The following DACH1 variants were observed in gnomAD, a reference collection of about 807,000 sequenced individuals.
DACH1 encodes dachshund family transcription factor 1, also known as dachshund homolog 1.
Under a neutral mutation model 54.2 loss-of-function variants are expected in DACH1, and 12 were observed. The observed-to-expected ratio is 0.22, with a 90% CI of 0.14 to 0.36. The LOEUF (loss-of-function observed/expected upper bound fraction) is 0.36. Among genes scored for constraint, DACH1 ranks in the 10% least tolerant of loss-of-function variants. The probability of loss-of-function intolerance (pLI) is 1.00; values close to 1 mark genes in which losing one functional copy is unlikely to be tolerated. For missense variants in DACH1, 805 were observed against 929.8 expected, an observed-to-expected ratio of 0.87 and a Z score of 1.75; for synonymous variants, 386 against 366.2, an observed-to-expected ratio of 1.05 and a Z score of -0.62.
At chr13:71,736,031 G>C (rs890882003) in intron 1 of DACH1, among the ~76,000 whole-genome samples, 1 of 152,036 alleles carries the variant, frequency 6.6e-6, no homozygotes, top group Admixed American at 6.6e-5. Context: ...CATGATACTA[G>C]CTACCAAAAT....
At chr13:71,488,391 TGTAA>T (rs1311686404) in intron 7 of DACH1, among the ~76,000 whole-genome samples, 3 of 152,202 alleles carry the variant, frequency 2.0e-5, no homozygotes, top group Non-Finnish European at 4.4e-5. Flanking sequence ...TATTGTTAAC[TGTAA>T]GTATTTTTGA....
At chr13:71,654,129 G>C (rs1159525925) in intron 2 of DACH1, among the ~76,000 whole-genome samples, 2 of 152,042 alleles carry the variant, frequency 1.3e-5, no homozygotes, top group Non-Finnish European at 2.9e-5. Context: ...AGTAGCTCAT[G>C]CTTATAATTC....
At chr13:71,497,055 A>C (rs1322373236) in intron 6 of DACH1, among the ~76,000 whole-genome samples, 1 of 152,160 alleles carries the variant, frequency 6.6e-6, no homozygotes, top group African/African-American at 2.4e-5. Flanking sequence ...AGTACAAGCA[A>C]ATTTTAGAGC....
At chr13:71,563,581 G>A (rs559829095) in intron 4 of DACH1, among the ~76,000 whole-genome samples, 1 of 151,846 alleles carries the variant, frequency 6.6e-6, no homozygotes, top group African/African-American at 2.4e-5. Context: ...AGTTGTCTGT[G>A]ATCATCCCTT....
chr13:71,586,059 G>A (rs1407758535), intron 3 of DACH1, among the ~76,000 whole-genome samples: 1 of 152,126 alleles, frequency 6.6e-6, no homozygotes, highest in African/African-American at 2.4e-5. Context: ...CCTACTGGCT[G>A]TAGTTCCTTT....
intron 1 of DACH1, among the ~76,000 whole-genome samples, chr13:71,790,258 G>A (rs554647226): frequency 1.3e-5 from 2 of 151,922 alleles, no homozygotes; most frequent in East Asian, 1.9e-4. Context: ...TGCTTTAGTC[G>A]AACCTATATA....
intron 1 of DACH1, among the ~76,000 whole-genome samples, chr13:71,740,721 A>G (rs1160511330): frequency 2.0e-5 from 3 of 152,150 alleles, no homozygotes; most frequent in African/African-American, 7.2e-5. Flanking sequence ...CATAGCAGTT[A>G]CTTCCCAGTA....
chr13:71,614,071 A>G (rs919275432), intron 3 of DACH1, among the ~76,000 whole-genome samples: 26 of 152,220 alleles, frequency 1.7e-4, no homozygotes, highest in Admixed American at 2.0e-4. Context: ...GTCAGAGTCC[A>G]TGCAGAGGCA....
At position 71,439,716 on chromosome 13, in the gene DACH1, G is replaced by A. The variant is rs1206459834; in HGVS notation, c.*939C>T. The stretch of plus-strand genomic sequence containing the variant: ...CAGACAAATATTTACATGCCTGCAT[G>A]CGTTAAAACCAGAAAGACATCTTTC... On this transcript the variant is annotated 3_prime_UTR_variant, in exon 11 of 11. Transcript: ENST00000613252. 2 of 152,306 alleles carry A rather than the reference G, an allele frequency of 1.3e-5. No individual in the cohort carries two copies. The highest frequency in any genetic ancestry group is 4.8e-5 in the African/African-American group (2 of 41,402). The allele number at this position is 152,306 out of a possible 1,614,324, so 9.4% of individuals were successfully genotyped here.
In DACH1 at chr13:71,865,944, A is replaced by G. The variant is rs1470845666; in HGVS notation, c.826T>C (p.Tyr276His). The stretch of plus-strand genomic sequence containing the variant: ...CACCTTGCGTTGGTGCAGTCATTGT[A>G]GAGGGTCTCGAAGTCCTTCCTGGAG... Reference protein sequence around the residue: ...LISRKDFETLYNDCTNASSRP... With the variant: ...LISRKDFETLHNDCTNASSRP... The change falls in exon 1 of 11, where the codon TAC becomes CAC. Residue 276 changes from tyrosine to histidine, a missense_variant. Around this residue, in one of 3 missense-constraint regions of DACH1, gnomAD observed 472 missense variants for 545.3 expected, o/e 0.87. Transcript: ENST00000613252. The G allele has an allele frequency of 2.5e-6, 4 of 1,613,248 alleles. No homozygotes were observed. Among genetic ancestry groups the G allele is most frequent in the Non-Finnish European group, 3.4e-6 (4 of 1,179,610 alleles).
chr13:71,685,491 A>G (rs572952691), intron 1 of DACH1, among the ~76,000 whole-genome samples: 6 of 152,260 alleles, frequency 3.9e-5, no homozygotes, highest in East Asian at 1.9e-4. Context: ...CAGGACAACA[A>G]CTATGAACCT....
chr13:71,861,762 T>A (rs1334737685), intron 1 of DACH1, among the ~76,000 whole-genome samples: 1 of 151,914 alleles, frequency 6.6e-6, no homozygotes, highest in Non-Finnish European at 1.5e-5. Context: ...CCAAGTATTG[T>A]AATTATCTGT....
chr13:71,849,091 T>C lies in DACH1; in HGVS notation c.848+16831A>G, dbSNP rs190857009. On this transcript the variant is annotated intron_variant, in intron 1 of 10. Coordinates refer to ENST00000613252, the MANE Select transcript of DACH1 (RefSeq NM_080759.6). ...ATAAAATACTTCCCTTGGATATTAA[T>C]GACAATTTCTTTTGAAATAACATAA... is the stretch of plus-strand genomic sequence containing the variant. 1.5e-3 allele frequency among the ~76,000 whole-genome samples: 230 copies of C among 152,126 alleles called. 3 individuals are homozygous for C. The highest frequency in any genetic ancestry group is 2.2e-3 in the Non-Finnish European group (151 of 68,020).
At chr13:71,464,622 T>C (rs1876399078) in intron 10 of DACH1, 1 of 447,612 alleles carries the variant, frequency 2.2e-6, no homozygotes, top group Admixed American at 2.5e-5. Context: ...CCCATGCAAA[T>C]ATTTTATGAA....
rs571508271 is a variant in DACH1 at position 71,837,033 on chromosome 13, T to C, written c.848+28889A>G. 5.9e-5 allele frequency among the ~76,000 whole-genome samples: 9 copies of C among 151,954 alleles called. No homozygotes were observed. The East Asian group carries it at 1.7e-3, about 29-fold the overall frequency. ...ACACACACATACACACACACAATTC[T>C]GAGGCCTCTTAATTCTAGTAGTAAC... On this transcript the variant is annotated intron_variant, in intron 1 of 10. Transcript: ENST00000613252.
At chr13:71,542,418 A>G (rs1423593920) in intron 6 of DACH1, among the ~76,000 whole-genome samples, 2 of 152,270 alleles carry the variant, frequency 1.3e-5, no homozygotes, top group African/African-American at 4.8e-5. Context: ...CTGAGTTATT[A>G]TCATACAGGC....
At chr13:71,812,046 G>A (rs1887733999) in intron 1 of DACH1, among the ~76,000 whole-genome samples, 2 of 152,004 alleles carry the variant, frequency 1.3e-5, no homozygotes, top group Non-Finnish European at 1.5e-5. Context: ...GTTTAAAACT[G>A]TGCTCCCACT....
At chr13:71,809,214 T>C (rs919100467) in intron 1 of DACH1, among the ~76,000 whole-genome samples, 1 of 152,190 alleles carries the variant, frequency 6.6e-6, no homozygotes, top group African/African-American at 2.4e-5. Flanking sequence ...AGACAGGGTC[T>C]CGCTCTGTTG....
intron 1 of DACH1, among the ~76,000 whole-genome samples, chr13:71,797,232 A>G (rs1441646609): frequency 6.6e-6 from 1 of 152,110 alleles, no homozygotes; most frequent in Non-Finnish European, 1.5e-5. Context: ...GCTTTTGCTC[A>G]TTACTTTAAA....
Sources: allele counts gnomAD v4.1 joint callset (sites outside exome capture counted in the v4.1 genomes callset), GRCh38; gene constraint gnomAD v4.1.1; regional missense constraint gnomAD v4.1.1; transcripts MANE v1.5; gene names NCBI Gene and HGNC (gene_info 2026-07-23, HGNC 2026-07-21).